The following RAB2A variants were observed in gnomAD, a reference collection of about 807,000 sequenced individuals.
RAB2A encodes RAB2A, member RAS oncogene family.
In RAB2A, 7 loss-of-function variants were observed where a neutral mutation model predicts 32.5. That is an observed-to-expected ratio of 0.22 (90% confidence interval 0.12 to 0.40). The LOEUF (loss-of-function observed/expected upper bound fraction) is 0.40, where lower values mean the gene tolerates loss of function less well. RAB2A is among the 10% of genes least tolerant of loss of function. RAB2A has a pLI of 1.00. For synonymous variants in RAB2A, 79 were observed against 85.2 expected (o/e 0.93, Z 0.40); for missense variants, 108 against 260.7 (o/e 0.41, Z 4.03).
At chr8:60,548,604 C>T (rs1415399614) in intron 1 of RAB2A, among the ~76,000 whole-genome samples, 1 of 143,488 alleles carries the variant, frequency 7.0e-6, no homozygotes, top group Non-Finnish European at 1.5e-5. Flanking sequence ...CAGAGGCGCC[C>T]CTCACTTCCC....
Position 60,552,001 on chromosome 8 carries a change from G to GTTTTTTTTTTTTTTTTTTT in RAB2A, c.47-6850_47-6832dup, listed in dbSNP as rs78161048. The GTTTTTTTTTTTTTTTTTTT allele has an allele frequency of 3.3e-4, 36 of 109,740 alleles. 4 individuals are homozygous for GTTTTTTTTTTTTTTTTTTT. The East Asian group carries it at 5.7e-3, about 17-fold the overall frequency. The allele number at this position is 109,740 out of a possible 1,614,324, so 6.8% of individuals were successfully genotyped here. A position where few individuals can be genotyped will look rare whatever the true frequency, so the allele number is the denominator to read the frequency against. On this transcript the variant is annotated intron_variant, in intron 1 of 7. Transcript: ENST00000262646. ...GCCTCAGCCTCTTGAGTAGCTGGGA[G>GTTTTTTTTTTTTTTTTTTT]TTTTTTTTTTTTTTTTTTTAAGATG... is the stretch of plus-strand genomic sequence containing the variant.
At chr8:60,563,519 A>G (rs1808058260) in intron 2 of RAB2A, among the ~76,000 whole-genome samples, 1 of 152,138 alleles carries the variant, frequency 6.6e-6, no homozygotes, top group Non-Finnish European at 1.5e-5. Flanking sequence ...CCAGCTGGAA[A>G]TACACTTTAT....
chr8:60,606,277 A>G (rs1254099586), intron 6 of RAB2A, among the ~76,000 whole-genome samples: 1 of 152,166 alleles, frequency 6.6e-6, no homozygotes, highest in Non-Finnish European at 1.5e-5. Flanking sequence ...TACCCTGAGC[A>G]AGGAGGGAGT....
intron 5 of RAB2A, among the ~76,000 whole-genome samples, chr8:60,585,323 TTTTG>T (rs1803830407): frequency 7.0e-6 from 1 of 142,750 alleles, no homozygotes; most frequent in Admixed American, 7.1e-5. Flanking sequence ...TTTTGTTTTG[TTTTG>T]TTTGAGACAG....
At chr8:60,536,870 A>G (rs1807565665) in intron 1 of RAB2A, among the ~76,000 whole-genome samples, 1 of 152,178 alleles carries the variant, frequency 6.6e-6, no homozygotes, top group African/African-American at 2.4e-5. Context: ...AGAATCAAAA[A>G]ACTTGATTTT....
intron 2 of RAB2A, 41 bp downstream of exon 2, chr8:60,558,964 G>A: frequency 6.8e-7 from 1 of 1,473,136 alleles, no homozygotes; most frequent in Admixed American, 1.7e-5. Context: ...AAAAGTTTTG[G>A]ATAGTTTAAA....
At chr8:60,580,725 G>A (rs956961395) in intron 3 of RAB2A, among the ~76,000 whole-genome samples, 1 of 152,120 alleles carries the variant, frequency 6.6e-6, no homozygotes, top group Non-Finnish European at 1.5e-5. Context: ...TTTGTTCTTT[G>A]CAAAACAGTT....
At chr8:60,580,411 A>G (rs1031220446) in intron 3 of RAB2A, among the ~76,000 whole-genome samples, 5 of 151,934 alleles carry the variant, frequency 3.3e-5, no homozygotes, top group African/African-American at 1.2e-4. Flanking sequence ...TAGAGAAGCC[A>G]TAATAAAAAA....
At chr8:60,609,548 A>C (rs1029007915) in intron 6 of RAB2A, among the ~76,000 whole-genome samples, 2 of 152,320 alleles carry the variant, frequency 1.3e-5, no homozygotes, top group African/African-American at 4.8e-5. Flanking sequence ...TATTTGCTTC[A>C]ACCATGTTCT....
chr8:60,531,991 GAC>G (rs1299132050), intron 1 of RAB2A, among the ~76,000 whole-genome samples: 6 of 152,034 alleles, frequency 3.9e-5, no homozygotes, highest in African/African-American at 1.4e-4. Flanking sequence ...TTTTAGTAGA[GAC>G]AGGGTTTCAC....
chr8:60,594,694 C>T (rs1803995836), intron 6 of RAB2A, among the ~76,000 whole-genome samples: 1 of 152,174 alleles, frequency 6.6e-6, no homozygotes, highest in African/African-American at 2.4e-5. Flanking sequence ...CAAGTGTTCT[C>T]ATTGTTCAGT....
chr8:60,533,135 CAT>C (rs765390583), intron 1 of RAB2A, among the ~76,000 whole-genome samples: 23 of 152,212 alleles, frequency 1.5e-4, no homozygotes, highest in East Asian at 1.9e-4. Flanking sequence ...AATATCCACA[CAT>C]GTCTAAAAAC....
chr8:60,577,792 ATTTTT>A (rs3055112), intron 3 of RAB2A, among the ~76,000 whole-genome samples: 1,209 of 112,940 alleles, frequency 0.011, 8 homozygotes, highest in Admixed American at 0.015. Context: ...CGCCCGGCTA[ATTTTT>A]TTTTTTTTTT....
chr8:60,522,923 C>T (rs116565703), intron 1 of RAB2A, among the ~76,000 whole-genome samples: 128 of 152,022 alleles, frequency 8.4e-4, no homozygotes, highest in African/African-American at 2.9e-3. Context: ...TGAGGTGGAG[C>T]TGAATGTTGC....
intron 2 of RAB2A, among the ~76,000 whole-genome samples, chr8:60,565,494 G>T (rs1808096348): frequency 6.6e-6 from 1 of 151,030 alleles, no homozygotes; most frequent in African/African-American, 2.4e-5. Context: ...TAATAGAATT[G>T]AAGCATCATT....
At chr8:60,575,509 G>A (rs1407150296) in intron 3 of RAB2A, among the ~76,000 whole-genome samples, 3 of 152,068 alleles carry the variant, frequency 2.0e-5, no homozygotes, top group African/African-American at 4.8e-5. Context: ...TGCATTTTTG[G>A]TAGCAAGGGT....
chr8:60,585,322 G>GTTTTA (rs1803830376), intron 5 of RAB2A, among the ~76,000 whole-genome samples: 1 of 151,382 alleles, frequency 6.6e-6, no homozygotes, highest in African/African-American at 2.4e-5. Context: ...GTTTTGTTTT[G>GTTTTA]TTTTGTTTGA....
chr8:60,584,046 T>A, intron 3 of RAB2A, 162 bp from the exon 4 acceptor site: 1 of 584,244 alleles, frequency 1.7e-6, no homozygotes, highest in Non-Finnish European at 3.1e-6. Flanking sequence ...TCTTGAGCAA[T>A]AGCGGTGTTT....
chr8:60,592,267 A>AACGC, intron 6 of RAB2A: 1 of 206,832 alleles, frequency 4.8e-6, no homozygotes, highest in Non-Finnish European at 1.0e-5. Flanking sequence ...CATTCATAGA[A>AACGC]AGTCAGTCTG....
Sources: allele counts gnomAD v4.1 joint callset (sites outside exome capture counted in the v4.1 genomes callset), GRCh38; gene constraint gnomAD v4.1.1; transcripts MANE v1.5; gene names NCBI Gene and HGNC (gene_info 2026-07-23, HGNC 2026-07-21).